Variants in XPO7 observed in about 807,000 individuals in gnomAD.
XPO7 encodes exportin 7.
Under a neutral mutation model 144.3 loss-of-function variants are expected in XPO7, and 21 were observed. That is an observed-to-expected ratio of 0.15 (90% confidence interval 0.10 to 0.21). XPO7 has a LOEUF of 0.21. Ranked by LOEUF, XPO7 falls within the 10% of genes least tolerant of loss-of-function variation. XPO7 has a pLI of 1.00. For missense variants in XPO7, 808 were observed against 1,325.8 expected, an observed-to-expected ratio of 0.61 and a Z score of 6.06; for synonymous variants, 580 against 499.6, an observed-to-expected ratio of 1.16 and a Z score of -2.15.
At chr8:21,984,913 C>A in intron 12 of XPO7, 74 bp downstream of exon 12, 1 of 1,475,120 alleles carries the variant, frequency 6.8e-7, no homozygotes, top group Non-Finnish European at 9.2e-7. Context: ...TCATTGCCAC[C>A]TCTTTCCTAC....
chr8:21,967,603 G>T (rs563233659), intron 2 of XPO7, among the ~76,000 whole-genome samples: 3 of 152,214 alleles, frequency 2.0e-5, no homozygotes, highest in South Asian at 4.1e-4. Context: ...AAAGTGATGG[G>T]ATTACAGACG....
intron 13 of XPO7, 79 bp from the exon 14 acceptor site, chr8:21,987,062 C>A: frequency 6.3e-7 from 1 of 1,589,702 alleles, no homozygotes; most frequent in South Asian, 1.1e-5. Flanking sequence ...GCATATACGA[C>A]CATGTCAAGA....
intron 8 of XPO7, among the ~76,000 whole-genome samples, chr8:21,979,620 G>C (rs1812338601): frequency 6.7e-6 from 1 of 149,978 alleles, no homozygotes; most frequent in African/African-American, 2.5e-5. Flanking sequence ...TGTTTGCCAG[G>C]CTGGTCTCAA....
At chr8:21,988,666 G>A (rs1261390419) in intron 15 of XPO7, 1 of 248,860 alleles carries the variant, frequency 4.0e-6, no homozygotes, top group Non-Finnish European at 7.8e-6. Context: ...TGCAGGTGCA[G>A]AATTGCATAC....
chr8:21,999,043 G>A (rs117701714), intron 22 of XPO7, 48 bp from the exon 23 acceptor site: 11 of 1,604,386 alleles, frequency 6.9e-6, no homozygotes, highest in African/African-American at 5.4e-5. Context: ...TGATCTAAAC[G>A]AGCGCTTCTA....
At position 21,936,108 on chromosome 8, in the gene XPO7, G is replaced by A. The variant is rs901532316; in HGVS notation, c.18+16320G>A. Among the ~76,000 whole-genome samples, 3 of 152,110 alleles carry A rather than the reference G, an allele frequency of 2.0e-5. No homozygotes were observed. In the East Asian group the frequency reaches 5.8e-4, roughly 29 times the overall value. On this transcript the variant is annotated intron_variant, in intron 1 of 27. Transcript: ENST00000252512. The stretch of plus-strand genomic sequence containing the variant: ...AATTTGCTAAGTGTAAATTCCTTTA[G>A]TTTCCAGTCTTTTAATGTCTGCTAA...
At chr8:21,941,369 C>G (rs1698386225) in intron 1 of XPO7, among the ~76,000 whole-genome samples, 1 of 152,026 alleles carries the variant, frequency 6.6e-6, no homozygotes, top group Admixed American at 6.6e-5. Flanking sequence ...CCAGGCTGGT[C>G]TCAAACTCCT....
intron 25 of XPO7, 145 bp from the exon 26 acceptor site, chr8:22,003,074 G>A (rs976956159): frequency 2.0e-6 from 1 of 497,990 alleles, no homozygotes; most frequent in African/African-American, 2.0e-5. Flanking sequence ...AGAAGACTCA[G>A]ATGAAGCTTC....
chr8:21,995,505 A>G lies in XPO7; in HGVS notation c.2251A>G (p.Met751Val), dbSNP rs772506319. 3 of 1,608,138 alleles carry G rather than the reference A, an allele frequency of 1.9e-6. No individual in the cohort carries two copies. Among genetic ancestry groups the G allele is most frequent in the African/African-American group, 2.7e-5 (2 of 75,000 alleles). Reference protein sequence around the residue: ...MLFEWIYPSYMPILQRAIELW... With the variant: ...MLFEWIYPSYVPILQRAIELW... ...TCTCATTTACAGATATCCATCCTAT[A>G]TGCCAATTCTCCAACGGGCAATTGA... is the stretch of plus-strand genomic sequence containing the variant. Residue 751 changes from methionine (M) to valine (V), a missense_variant, in exon 21 of 28, where the codon ATG becomes GTG. Met to Val is a conservative substitution (Grantham distance 21, BLOSUM62 1). Coordinates refer to ENST00000252512, the MANE Select transcript of XPO7 (RefSeq NM_015024.5).
intron 1 of XPO7, among the ~76,000 whole-genome samples, chr8:21,943,568 C>T (rs1237563885): frequency 1.3e-5 from 2 of 152,144 alleles, no homozygotes; most frequent in Admixed American, 1.3e-4. Flanking sequence ...AAGGGTGAGT[C>T]ATTTTGTTAA....
chr8:21,981,584 C>A, intron 9 of XPO7, 147 bp from the exon 10 acceptor site: 2 of 923,910 alleles, frequency 2.2e-6, no homozygotes, highest in Non-Finnish European at 3.2e-6. Flanking sequence ...GAACATTATG[C>A]AGACGTATCA....
intron 1 of XPO7, among the ~76,000 whole-genome samples, chr8:21,933,360 A>G (rs944386456): frequency 6.6e-6 from 1 of 151,958 alleles, no homozygotes; most frequent in Non-Finnish European, 1.5e-5. Context: ...TCGGCCTCCC[A>G]AAGTGCTGGG....
At chr8:21,920,169 A>G (rs1254058406) in intron 1 of XPO7, among the ~76,000 whole-genome samples, 4 of 129,786 alleles carry the variant, frequency 3.1e-5, no homozygotes, top group Non-Finnish European at 4.8e-5. Context: ...GACTTTACTG[A>G]GGGGGACGCC....
At chr8:21,995,385 TAAAG>T (rs1338793939) in intron 20 of XPO7, 103 bp from the exon 21 acceptor site, 6 of 854,716 alleles carry the variant, frequency 7.0e-6, no homozygotes, top group South Asian at 1.7e-5. Flanking sequence ...GACAGGAACT[TAAAG>T]AACTGTAGTT....
At chr8:21,999,355 C>T in intron 23 of XPO7, 50 bp downstream of exon 23, 1 of 1,604,040 alleles carries the variant, frequency 6.2e-7, no homozygotes, top group Non-Finnish European at 8.5e-7. Context: ...CACATTCAGC[C>T]TTTTTCACCT....
chr8:21,948,573 A>G (rs1780477716), intron 1 of XPO7, among the ~76,000 whole-genome samples: 1 of 152,168 alleles, frequency 6.6e-6, no homozygotes, highest in African/African-American at 2.4e-5. Context: ...GGAGTTTTTA[A>G]ATGTTTTTAT....
At chr8:21,965,464 A>G (rs1042337397) in intron 1 of XPO7, among the ~76,000 whole-genome samples, 3 of 152,194 alleles carry the variant, frequency 2.0e-5, no homozygotes, top group Admixed American at 1.3e-4. Context: ...TTTTGAATTG[A>G]AGAAGAGATT....
chr8:21,990,477 A>G (rs1272204879), intron 17 of XPO7, 70 bp downstream of exon 17: 2 of 1,555,466 alleles, frequency 1.3e-6, no homozygotes, highest in Non-Finnish European at 1.8e-6. Context: ...CACATAAAGG[A>G]GATATGTAAA....
At chr8:21,982,555 A>T in intron 10 of XPO7, 85 bp from the exon 11 acceptor site, 2 of 1,444,306 alleles carry the variant, frequency 1.4e-6, no homozygotes, top group Non-Finnish European at 1.8e-6. Context: ...AAAAAGAAAA[A>T]AGTCTTTATC....
Sources: allele counts gnomAD v4.1 joint callset (sites outside exome capture counted in the v4.1 genomes callset), GRCh38; gene constraint gnomAD v4.1.1; transcripts MANE v1.5; gene names NCBI Gene and HGNC (gene_info 2026-07-23, HGNC 2026-07-21).